Variants in DEAF1 observed in about 807,000 individuals in gnomAD.
The protein encoded by DEAF1 is deformed epidermal autoregulatory factor 1 homolog.
In DEAF1, 53 loss-of-function variants were observed where a neutral mutation model predicts 58.9. The observed-to-expected ratio is 0.90, with a 90% CI of 0.72 to 1.13. The LOEUF is 1.13. Among genes scored for constraint, DEAF1 ranks in the 50% most tolerant of loss-of-function variants. The pLI, the probability that DEAF1 is intolerant of heterozygous loss-of-function variation, is 0.00. For synonymous variants in DEAF1, 385 were observed against 340.4 expected, an observed-to-expected ratio of 1.13 and a Z score of -1.44; for missense variants, 685 against 791.4, an observed-to-expected ratio of 0.87 and a Z score of 1.61.
At chr11:676,937 G>A (rs138998429) in intron 9 of DEAF1, among the ~76,000 whole-genome samples, 121 of 152,278 alleles carry the variant, frequency 7.9e-4, no homozygotes, top group Middle Eastern at 3.4e-3. Flanking sequence ...ACACGCACAC[G>A]TGCACATGAG....
intron 10 of DEAF1, among the ~76,000 whole-genome samples, chr11:658,440 CAAA>C (rs1245453849): frequency 6.6e-6 from 1 of 151,228 alleles, no homozygotes; most frequent in Non-Finnish European, 1.5e-5. Context: ...AAAACAAAAA[CAAA>C]AAACCATTCA....
chr11:682,743 C>T (rs1860432099), intron 6 of DEAF1, among the ~76,000 whole-genome samples: 1 of 152,196 alleles, frequency 6.6e-6, no homozygotes, highest in Non-Finnish European at 1.5e-5. Flanking sequence ...AATTGGGGCT[C>T]CGTATGCTTG....
At chr11:661,144 G>A (rs1453200707) in intron 10 of DEAF1, among the ~76,000 whole-genome samples, 4 of 152,166 alleles carry the variant, frequency 2.6e-5, no homozygotes, top group South Asian at 2.1e-4. Flanking sequence ...TACTAGAAAC[G>A]GGGACAGGCT....
rs914822672 is a variant in DEAF1, at chr11:688,554, G to C, written c.388-94C>G. On this transcript the variant is annotated intron_variant, in intron 2 of 11. Coordinates refer to ENST00000382409, the MANE Select transcript of DEAF1 (RefSeq NM_021008.4). This position sits in a 1 kb window ranked among gnomAD's most constrained non-coding sequence, Gnocchi z 4.3. ...GGGCCGTCCTCCAGCAGGGCTCTCTGGCTGTTCTCACCAAGAAGGGACGCT... is the reference window on the plus strand; with the variant it reads ...GGGCCGTCCTCCAGCAGGGCTCTCTCGCTGTTCTCACCAAGAAGGGACGCT... 3.5e-5 allele frequency: 54 copies of C among 1,528,578 alleles called. No individual in the cohort carries two copies. The highest frequency in any genetic ancestry group is 4.4e-5 in the Non-Finnish European group (49 of 1,112,360). 94.7% of individuals were successfully genotyped at this position (1,528,578 alleles called of 1,614,324 possible).
chr11:679,860 C>A, intron 7 of DEAF1, 44 bp from the exon 8 acceptor site: 1 of 1,608,606 alleles, frequency 6.2e-7, no homozygotes, highest in South Asian at 1.1e-5. Context: ...GCAGTGGCGC[C>A]CACGGCACAC....
At chr11:674,442 A>T (rs992684054) in intron 10 of DEAF1, 94 bp downstream of exon 10, 80 of 1,567,030 alleles carry the variant, frequency 5.1e-5, no homozygotes, top group Non-Finnish European at 6.8e-5. Context: ...GGGCCTTGTG[A>T]GCCAAGGTGG....
chr11:697,176 C>T (rs933710763), upstream of DEAF1, among the ~76,000 whole-genome samples: 1 of 151,672 alleles, frequency 6.6e-6, no homozygotes. Flanking sequence ...ATCACTGGAG[C>T]CCAGGAGGTT....
rs748533024 is a variant in DEAF1, at chr11:691,614, C to A, written c.290-16G>T. The stretch of plus-strand genomic sequence containing the variant: ...GTGGTCACCTCTGCAACAGAAGGAG[C>A]CTCATTTAACAAGCAACAAAAGCCA... On this transcript the variant is annotated splice_polypyrimidine_tract_variant and intron_variant, in intron 1 of 11. Coordinates refer to ENST00000382409, the MANE Select transcript of DEAF1 (RefSeq NM_021008.4). 3.1e-6 allele frequency: 5 copies of A among 1,611,368 alleles called. No homozygotes were observed. Among genetic ancestry groups the A allele is most frequent in the Non-Finnish European group, 4.2e-6 (5 of 1,178,838 alleles).
chr11:679,981 G>A (rs937278422), intron 7 of DEAF1, 165 bp from the exon 8 acceptor site: 9 of 952,982 alleles, frequency 9.4e-6, no homozygotes, highest in South Asian at 6.2e-5. Flanking sequence ...CCCAGACCTT[G>A]GAGAAGACCT....
intron 10 of DEAF1, among the ~76,000 whole-genome samples, chr11:666,735 C>T (rs898376093): frequency 6.6e-6 from 1 of 151,412 alleles, no homozygotes; most frequent in African/African-American, 2.4e-5. Context: ...AAGTATTAGC[C>T]AGGTGTGGTG....
chr11:691,609 A>C lies in DEAF1; in HGVS notation c.290-11T>G. The C allele has an allele frequency of 1.9e-6, 3 of 1,612,560 alleles. No individual in the cohort carries two copies. The highest frequency in any genetic ancestry group is 2.5e-6 in the Non-Finnish European group (3 of 1,179,506). ...TCACTGTGGTCACCTCTGCAACAGA[A>C]GGAGCCTCATTTAACAAGCAACAAA... On this transcript the variant is annotated splice_polypyrimidine_tract_variant and intron_variant, in intron 1 of 11. Transcript: ENST00000382409.
At chr11:647,934 C>T (rs1858577249) in intron 11 of DEAF1, among the ~76,000 whole-genome samples, 7 of 274 alleles carry the variant, frequency 0.026, no homozygotes, top group Admixed American at 0.091. Context: ...GGTGGGTGGA[C>T]TTGACCCAGG....
intron 10 of DEAF1, among the ~76,000 whole-genome samples, chr11:658,472 G>A (rs1173077517): frequency 6.6e-6 from 1 of 152,242 alleles, no homozygotes; most frequent in Non-Finnish European, 1.5e-5. Flanking sequence ...GAAGAGGTGT[G>A]TGTGCGTTGC....
In DEAF1 at chr11:669,016, G is replaced by A. The variant is rs368328728; in HGVS notation, c.1503+5520C>T. ...AATGTTTTGTATTTTTAGTAGAGAC[G>A]GGGTTTTACTGTGTTAGCCAGGATG... On this transcript the variant is annotated intron_variant, in intron 10 of 11. Transcript: ENST00000382409. 3.9e-5 allele frequency among the ~76,000 whole-genome samples: 6 copies of A among 151,942 alleles called. No homozygotes were observed. In the East Asian group the frequency reaches 7.8e-4, roughly 20 times the overall value.
chr11:700,286 G>A, intron 1 of DEAF1: 1 of 1,527,686 alleles, frequency 6.5e-7, no homozygotes, highest in Non-Finnish European at 9.0e-7. Context: ...CAACATTTTG[G>A]GAGGCTGAGG....
chr11:680,913 A>C lies in DEAF1; in HGVS notation c.997+50T>G, dbSNP rs374144214. The C allele has an allele frequency of 1.4e-5, 22 of 1,613,024 alleles. 1 individual carries two copies. Among genetic ancestry groups the C allele is most frequent in the Non-Finnish European group, 1.9e-5 (22 of 1,179,244 alleles). ...GTGGGAGTGGTGACGAGAGAAGGCA[A>C]TGCACTCAGGTCCCCTCAGTAAACT... On this transcript the variant is annotated intron_variant, in intron 7 of 11. Coordinates refer to ENST00000382409, the MANE Select transcript of DEAF1 (RefSeq NM_021008.4).
Position 687,932 on chromosome 11 carries a change from A to C in DEAF1, c.643T>G (p.Tyr215Asp). 1 of 1,614,112 alleles carries C rather than the reference A, an allele frequency of 6.2e-7. No individual in the cohort carries two copies. The highest frequency in any genetic ancestry group is 8.5e-7 in the Non-Finnish European group (1 of 1,180,028). ...TCACCTGAGCCGAGCCTGTTCTTGT[A>C]CAGAGTGCCGCTGATGTTCCGGCAC... ...VRCRNISGTL[Y>D]KNRLGSGGRG... The change falls in exon 4 of 12, where the codon TAC becomes GAC. Residue 215 changes from tyrosine to aspartate, a missense_variant. This residue lies in a region of DEAF1 where 132 missense variants were observed against 234.3 expected (regional missense o/e 0.56). Coordinates refer to ENST00000382409, the MANE Select transcript of DEAF1 (RefSeq NM_021008.4).
At chr11:667,981 G>A (rs1859632528) in intron 10 of DEAF1, among the ~76,000 whole-genome samples, 1 of 151,828 alleles carries the variant, frequency 6.6e-6, no homozygotes, top group African/African-American at 2.4e-5. Context: ...GTGTGGTGGC[G>A]CACGCCGATA....
intron 6 of DEAF1, among the ~76,000 whole-genome samples, chr11:681,534 C>A (rs1439713551): frequency 6.6e-6 from 1 of 151,940 alleles, no homozygotes; most frequent in Non-Finnish European, 1.5e-5. Context: ...CCTCAACCTC[C>A]CGAGTAGCTG....
Sources: allele counts gnomAD v4.1 joint callset (sites outside exome capture counted in the v4.1 genomes callset), GRCh38; gene constraint gnomAD v4.1.1; regional missense constraint gnomAD v4.1.1; non-coding constraint Gnocchi (gnomAD v3.1); transcripts MANE v1.5; gene names NCBI Gene and HGNC (gene_info 2026-07-23, HGNC 2026-07-21).